The following MITF variants were observed in gnomAD, a reference collection of about 807,000 sequenced individuals.
MITF encodes the protein melanocyte inducing transcription factor.
Under a neutral mutation model 60.5 loss-of-function variants are expected in MITF, and 17 were observed. That is an observed-to-expected ratio of 0.28 (90% CI 0.19 to 0.42). MITF has a LOEUF of 0.42. Ranked by LOEUF, MITF falls within the 10% of genes least tolerant of loss-of-function variation. The probability of loss-of-function intolerance (pLI) is 1.00; values close to 1 mark genes in which losing one functional copy is unlikely to be tolerated. For synonymous variants in MITF, 260 were observed against 248.5 expected (o/e 1.05, Z -0.43); for missense variants, 622 against 683.5 (o/e 0.91, Z 1.00).
rs2066694256 is a variant in MITF, at chr3:69,966,529, T to A, written c.*1281T>A. On this transcript the variant is annotated 3_prime_UTR_variant, in exon 10 of 10. Transcript: ENST00000352241. ...CATAGCATTAATACGCCCATTATGGTCATTTAAATTGGGGTTTATTTCAGC... is the reference window on the plus strand; with the variant it reads ...CATAGCATTAATACGCCCATTATGGACATTTAAATTGGGGTTTATTTCAGC... The A allele has an allele frequency of 4.3e-6, 1 of 232,938 alleles. No homozygotes were observed. Among genetic ancestry groups the A allele is most frequent in the Non-Finnish European group, 8.5e-6 (1 of 117,714 alleles). 14.4% of individuals were successfully genotyped at this position (232,938 alleles called of 1,614,324 possible). A position where few individuals can be genotyped will look rare whatever the true frequency, so the allele number is the denominator to read the frequency against.
chr3:69,816,580 A>G (rs2063185099), intron 1 of MITF, among the ~76,000 whole-genome samples: 1 of 152,192 alleles, frequency 6.6e-6, no homozygotes, highest in Non-Finnish European at 1.5e-5. Context: ...ATGTAAGACC[A>G]GGGGTTTGAG....
intron 5 of MITF, among the ~76,000 whole-genome samples, chr3:69,942,809 T>C (rs2066000169): frequency 6.6e-6 from 1 of 152,148 alleles, no homozygotes; most frequent in Admixed American, 6.6e-5. Flanking sequence ...GAGCATGCCC[T>C]GGGGAATTTA....
chr3:69,954,897 T>G (rs920291148), intron 7 of MITF, among the ~76,000 whole-genome samples: 1 of 152,192 alleles, frequency 6.6e-6, no homozygotes, highest in African/African-American at 2.4e-5. Flanking sequence ...AGACTATTAG[T>G]GGAACAAAAA....
chr3:69,824,379 C>T (rs1165822477), intron 1 of MITF, among the ~76,000 whole-genome samples: 2 of 152,072 alleles, frequency 1.3e-5, no homozygotes, highest in African/African-American at 2.4e-5. Context: ...ATTCTTAGAA[C>T]TTATTGCAAT....
intron 1 of MITF, among the ~76,000 whole-genome samples, chr3:69,750,395 T>G (rs1012802318): frequency 2.0e-5 from 3 of 151,448 alleles, no homozygotes; most frequent in Admixed American, 2.0e-4. Context: ...TTTTTTTTTT[T>G]TTTTTTCCTT....
intron 1 of MITF, among the ~76,000 whole-genome samples, chr3:69,870,360 G>A (rs2064206026): frequency 2.0e-5 from 3 of 148,356 alleles, no homozygotes; most frequent in Admixed American, 1.3e-4. Flanking sequence ...ATGTATGTGT[G>A]TGTATATATA....
At chr3:69,837,471 A>G (rs565612246) in intron 1 of MITF, among the ~76,000 whole-genome samples, 1 of 152,348 alleles carries the variant, frequency 6.6e-6, no homozygotes, top group Admixed American at 6.5e-5. Context: ...ATGACCGAAT[A>G]AAAGCTGAAT....
chr3:69,947,410 T>C (rs2066124708), intron 5 of MITF, among the ~76,000 whole-genome samples: 1 of 152,142 alleles, frequency 6.6e-6, no homozygotes, highest in Admixed American at 6.6e-5. Context: ...TCACTTTGCG[T>C]TAAATTGGAC....
chr3:69,863,435 T>C (rs919209521), intron 1 of MITF, among the ~76,000 whole-genome samples: 1 of 152,224 alleles, frequency 6.6e-6, no homozygotes, highest in Non-Finnish European at 1.5e-5. Context: ...GAAATATTTC[T>C]TGAGGCGGTG....
At chr3:69,803,406 T>C (rs1160318252) in intron 1 of MITF, among the ~76,000 whole-genome samples, 3 of 152,186 alleles carry the variant, frequency 2.0e-5, no homozygotes, top group Non-Finnish European at 4.4e-5. Context: ...GGCTGTATTT[T>C]TCTGTGTCTC....
At chr3:69,942,485 T>C (rs2065991648) in intron 5 of MITF, among the ~76,000 whole-genome samples, 1 of 152,060 alleles carries the variant, frequency 6.6e-6, no homozygotes, top group Non-Finnish European at 1.5e-5. Context: ...TTTAAATCCA[T>C]CTTGATCCAA....
chr3:69,946,388 A>T (rs904583801), intron 5 of MITF, among the ~76,000 whole-genome samples: 35 of 152,266 alleles, frequency 2.3e-4, no homozygotes, highest in African/African-American at 7.9e-4. Context: ...ATTGGAGATG[A>T]ATTGAAAGTT....
chr3:69,763,589 C>G (rs1056970029), intron 1 of MITF: 4 of 1,197,568 alleles, frequency 3.3e-6, no homozygotes, highest in Non-Finnish European at 4.2e-6. Context: ...AGAAGGTGCA[C>G]GTAAGCGTGT....
intron 2 of MITF, among the ~76,000 whole-genome samples, chr3:69,884,240 A>G (rs966637213): frequency 2.0e-5 from 3 of 152,124 alleles, no homozygotes; most frequent in Non-Finnish European, 4.4e-5. Flanking sequence ...GGAAGGAACG[A>G]CTGTTAACAG....
At chr3:69,938,793 A>T (rs2065903457) in intron 3 of MITF, 1 of 1,374,684 alleles carries the variant, frequency 7.3e-7, no homozygotes, top group Non-Finnish European at 9.4e-7. Context: ...ACTATGGACT[A>T]TGAAGTGTTT....
At chr3:69,868,929 T>G (rs9882545) in intron 1 of MITF, among the ~76,000 whole-genome samples, 9,245 of 148,532 alleles carry the variant, frequency 0.062, 690 homozygotes, top group African/African-American at 0.17. Flanking sequence ...AGCTATTTGG[T>G]GGAGAAAGAA....
At chr3:69,742,205 G>C (rs1575652582) in intron 1 of MITF, among the ~76,000 whole-genome samples, 1 of 151,906 alleles carries the variant, frequency 6.6e-6, no homozygotes, top group Non-Finnish European at 1.5e-5. Flanking sequence ...AGGTGATTTT[G>C]CCCCTGGGGT....
chr3:69,962,746 GA>G (rs2066581767), intron 9 of MITF, among the ~76,000 whole-genome samples: 1 of 152,166 alleles, frequency 6.6e-6, no homozygotes, highest in South Asian at 2.1e-4. Context: ...ACTCAGAAAG[GA>G]AAAAGGGAAA....
At chr3:69,958,594 G>T (rs924434564) in intron 8 of MITF, among the ~76,000 whole-genome samples, 1 of 151,920 alleles carries the variant, frequency 6.6e-6, no homozygotes, top group Non-Finnish European at 1.5e-5. Context: ...AAAATAGAAG[G>T]ATGCTGAGTT....
Sources: allele counts gnomAD v4.1 joint callset (sites outside exome capture counted in the v4.1 genomes callset), GRCh38; gene constraint gnomAD v4.1.1; transcripts MANE v1.5; gene names NCBI Gene and HGNC (gene_info 2026-07-23, HGNC 2026-07-21).